Variants in COL25A1 observed in about 807,000 individuals in gnomAD.
COL25A1 encodes collagen type XXV alpha 1 chain, also known as collagen alpha-1(XXV) chain.
A neutral mutation model predicts 128.4 loss-of-function variants in COL25A1; 103 were observed. That is an observed-to-expected ratio of 0.80 (90% CI 0.68 to 0.94). The LOEUF is 0.94. COL25A1 is among the 40% of genes least tolerant of loss of function. The pLI, the probability that COL25A1 is intolerant of heterozygous loss-of-function variation, is 0.00. For missense variants in COL25A1, 745 were observed against 840.0 expected (o/e 0.89, Z 1.40); for synonymous variants, 279 against 277.2 (o/e 1.01, Z -0.06).
intron 6 of COL25A1, among the ~76,000 whole-genome samples, chr4:108,982,732 T>A (rs1161873304): frequency 1.3e-5 from 2 of 152,130 alleles, no homozygotes; most frequent in Non-Finnish European, 2.9e-5. Context: ...CAGAAACTTT[T>A]AAAATATCAA....
intron 3 of COL25A1, among the ~76,000 whole-genome samples, chr4:109,084,733 C>CAA (rs995800976): frequency 3.9e-5 from 6 of 152,170 alleles, no homozygotes; most frequent in African/African-American, 1.4e-4. Flanking sequence ...ATTTAGAATG[C>CAA]AAAATCAATC....
intron 3 of COL25A1, among the ~76,000 whole-genome samples, chr4:109,258,685 G>C (rs1278765279): frequency 3.3e-5 from 5 of 152,002 alleles, no homozygotes; most frequent in Non-Finnish European, 7.4e-5. Context: ...AGCAGTGTTG[G>C]CACCAAGATT....
At chr4:108,878,902 A>G (rs1739768603) in intron 19 of COL25A1, among the ~76,000 whole-genome samples, 1 of 152,238 alleles carries the variant, frequency 6.6e-6, no homozygotes, top group Non-Finnish European at 1.5e-5. Context: ...GGAAATAATT[A>G]TAAGTAACGA....
chr4:109,213,329 G>T (rs566267259), intron 3 of COL25A1, among the ~76,000 whole-genome samples: 14 of 152,138 alleles, frequency 9.2e-5, no homozygotes, highest in Non-Finnish European at 1.8e-4. Flanking sequence ...ATTAAAAGAT[G>T]AGATCCATGT....
intron 36 of COL25A1, among the ~76,000 whole-genome samples, chr4:108,818,707 A>G (rs1337300822): frequency 6.6e-6 from 1 of 152,316 alleles, no homozygotes; most frequent in East Asian, 1.9e-4. Context: ...GACTTTTATC[A>G]TCTTTAGAAG....
intron 6 of COL25A1, among the ~76,000 whole-genome samples, chr4:109,003,206 A>C (rs1388543509): frequency 6.6e-6 from 1 of 152,198 alleles, no homozygotes; most frequent in Non-Finnish European, 1.5e-5. Context: ...AAACTTTTGC[A>C]ATCTATCCAT....
chr4:108,988,279 A>T (rs1242524733), intron 6 of COL25A1, among the ~76,000 whole-genome samples: 1 of 152,228 alleles, frequency 6.6e-6, no homozygotes, highest in Non-Finnish European at 1.5e-5. Context: ...TCCAATAAAT[A>T]CATTAGCATA....
intron 3 of COL25A1, among the ~76,000 whole-genome samples, chr4:109,117,257 G>A (rs969573616): frequency 6.6e-6 from 1 of 151,830 alleles, no homozygotes. Context: ...ACCAGAGGGG[G>A]AGAAAAACAC....
rs192892073 is a variant in COL25A1 at position 108,836,319 on chromosome 4, A to C, written c.1657-3886T>G. ...TTAAAAAAGGGCAGACTTTAAATAA[A>C]TCAGATTGAAAGTTTAAATAAAATA... On this transcript the variant is annotated intron_variant, in intron 31 of 37. Transcript: ENST00000399132. 5.2e-3 allele frequency among the ~76,000 whole-genome samples: 791 copies of C among 152,354 alleles called. 7 individuals are homozygous for C. Among genetic ancestry groups the C allele is most frequent in the South Asian group, 0.015 (72 of 4,830 alleles).
At chr4:109,044,088 AGTGTGTGTGT>A (rs142400635) in intron 5 of COL25A1, among the ~76,000 whole-genome samples, 108 of 149,672 alleles carry the variant, frequency 7.2e-4, no homozygotes, top group African/African-American at 2.4e-3. Context: ...CTCCTCTGAT[AGTGTGTGTGT>A]GTGTGTGTGT....
chr4:109,029,667 G>A (rs1257038494), intron 5 of COL25A1, among the ~76,000 whole-genome samples: 2 of 152,064 alleles, frequency 1.3e-5, no homozygotes, highest in Non-Finnish European at 2.9e-5. Context: ...GGTGCTATCC[G>A]CAGTTTGAGG....
intron 3 of COL25A1, among the ~76,000 whole-genome samples, chr4:109,055,449 C>T (rs1286395895): frequency 6.6e-6 from 1 of 152,200 alleles, no homozygotes; most frequent in Admixed American, 6.5e-5. Context: ...ACAACCTGCC[C>T]ACAGTCCCAC....
At chr4:109,051,129 AC>A (rs1192216449) in intron 3 of COL25A1, among the ~76,000 whole-genome samples, 1 of 151,638 alleles carries the variant, frequency 6.6e-6, no homozygotes, top group Non-Finnish European at 1.5e-5. Flanking sequence ...CAAGGAAAAT[AC>A]AGAACTGCCT....
In COL25A1 at chr4:108,940,539, G is replaced by T; in HGVS notation, c.672C>A (p.Pro224=). ...KDGPRGMPGV[P]GEPGKPGEQG... ...ATAAGTGATCCAAAAAGCGACTCAC[G>T]GGTACTCCTGGCATTCCACGGGGGC... The change falls in exon 10 of 38, where the codon CCC becomes CCA. Residue 224 remains proline (P), a splice_region_variant and synonymous_variant. Transcript: ENST00000399132. 1.2e-6 allele frequency: 2 copies of T among 1,612,630 alleles called. No individual in the cohort carries two copies. Among genetic ancestry groups the T allele is most frequent in the Non-Finnish European group, 1.7e-6 (2 of 1,178,692 alleles).
At chr4:109,221,761 T>G (rs1778427165) in intron 3 of COL25A1, among the ~76,000 whole-genome samples, 1 of 152,178 alleles carries the variant, frequency 6.6e-6, no homozygotes, top group Non-Finnish European at 1.5e-5. Flanking sequence ...CTAGCTATCT[T>G]GGCCTTCCTT....
At chr4:109,015,557 GA>G (rs1375245977) in intron 5 of COL25A1, among the ~76,000 whole-genome samples, 33 of 152,292 alleles carry the variant, frequency 2.2e-4, no homozygotes, top group South Asian at 1.7e-3. Context: ...AAATACATGA[GA>G]AAGTGGAGAA....
chr4:108,844,623 T>C, intron 29 of COL25A1, 54 bp from the exon 30 acceptor site: 1 of 1,575,246 alleles, frequency 6.3e-7, no homozygotes, highest in East Asian at 2.2e-5. Flanking sequence ...GATAAGGCAG[T>C]TCAACTTGAA....
At chr4:108,999,343 C>T (rs1755119153) in intron 6 of COL25A1, among the ~76,000 whole-genome samples, 1 of 152,174 alleles carries the variant, frequency 6.6e-6, no homozygotes, top group Non-Finnish European at 1.5e-5. Flanking sequence ...GACATTTATG[C>T]AGCCAACAGA....
chr4:108,919,294 T>C (rs1745221986), intron 12 of COL25A1, among the ~76,000 whole-genome samples: 1 of 152,192 alleles, frequency 6.6e-6, no homozygotes, highest in Non-Finnish European at 1.5e-5. Context: ...TTATATTGAA[T>C]GGGTCATTAA....
Sources: gnomAD v4.1 joint callset for allele counts (sites outside exome capture counted in the v4.1 genomes callset) on GRCh38, gnomAD v4.1.1 for gene constraint, MANE v1.5 for transcripts, NCBI Gene and HGNC (gene_info 2026-07-23, HGNC 2026-07-21) for gene names.